Variants in ZNF804B observed in about 807,000 individuals in gnomAD.
ZNF804B encodes the protein zinc finger 804B.
In ZNF804B, 80 loss-of-function variants were observed where a neutral mutation model predicts 101.4. That is an observed-to-expected ratio of 0.79 (90% CI 0.66 to 0.95). The LOEUF (loss-of-function observed/expected upper bound fraction) is 0.95. Ranked by LOEUF, ZNF804B falls within the 40% of genes least tolerant of loss-of-function variation. The pLI is 0.00. For synonymous variants in ZNF804B, 622 were observed against 558.8 expected (o/e 1.11, Z -1.59); for missense variants, 1,673 against 1,561.9 (o/e 1.07, Z -1.20).
chr7:89,119,867 ATTGT>A (rs1435135198), intron 1 of ZNF804B, among the ~76,000 whole-genome samples: 6 of 152,200 alleles, frequency 3.9e-5, no homozygotes, highest in East Asian at 1.9e-4. Context: ...GAGTTTCTAT[ATTGT>A]TTGTTTGTTT....
In ZNF804B at chr7:88,850,577, C is replaced by T. The variant is rs143200963; in HGVS notation, c.108+90493C>T. 1.5e-3 allele frequency among the ~76,000 whole-genome samples: 221 copies of T among 152,222 alleles called. 2 individuals carry two copies. Among genetic ancestry groups the T allele is most frequent in the African/African-American group, 5.1e-3 (211 of 41,552 alleles). Reference sequence around the variant, plus strand: ...TTTACAGGGGACAGTTCTCAGAAATCTTTGCCCCAGTGGGGCAAAATTTAC... The same window carrying T: ...TTTACAGGGGACAGTTCTCAGAAATTTTTGCCCCAGTGGGGCAAAATTTAC... On this transcript the variant is annotated intron_variant, in intron 1 of 3. Coordinates refer to ENST00000333190, the MANE Select transcript of ZNF804B (RefSeq NM_181646.5).
intron 1 of ZNF804B, among the ~76,000 whole-genome samples, chr7:88,957,076 A>G (rs990789687): frequency 4.0e-5 from 6 of 151,502 alleles, no homozygotes; most frequent in African/African-American, 1.5e-4. Context: ...TAGACTTTGA[A>G]CATGTCACTC....
chr7:89,044,425 G>A (rs190238391), intron 1 of ZNF804B, among the ~76,000 whole-genome samples: 1 of 152,308 alleles, frequency 6.6e-6, no homozygotes, highest in East Asian at 1.9e-4. Context: ...GTGGGGTGCT[G>A]CTGCAAAGAT....
chr7:89,211,485 TTTG>T (rs530845827), intron 1 of ZNF804B, among the ~76,000 whole-genome samples: 145 of 152,304 alleles, frequency 9.5e-4, no homozygotes, highest in Middle Eastern at 6.8e-3. Flanking sequence ...TTCTAGGATT[TTTG>T]TTGTTTTGGG....
intron 1 of ZNF804B, among the ~76,000 whole-genome samples, chr7:88,913,451 G>A (rs188148781): frequency 2.9e-4 from 44 of 152,260 alleles, no homozygotes; most frequent in African/African-American, 1.1e-3. Context: ...CTGGAGTGCA[G>A]TGGTGCAATC....
chr7:89,019,922 T>A (rs1788637473), intron 1 of ZNF804B, among the ~76,000 whole-genome samples: 1 of 152,050 alleles, frequency 6.6e-6, no homozygotes, highest in Non-Finnish European at 1.5e-5. Context: ...TTTTTGATTG[T>A]GGAAATATAA....
intron 1 of ZNF804B, among the ~76,000 whole-genome samples, chr7:89,211,017 T>G (rs1235225369): frequency 6.6e-6 from 1 of 152,206 alleles, no homozygotes; most frequent in Non-Finnish European, 1.5e-5. Context: ...GTTTCTTGAC[T>G]TTTTAAGCAT....
At chr7:89,014,463 C>T (rs1788510313) in intron 1 of ZNF804B, among the ~76,000 whole-genome samples, 1 of 152,068 alleles carries the variant, frequency 6.6e-6, no homozygotes. Flanking sequence ...ACTACAGGCG[C>T]CCGCTGCGAC....
At chr7:88,799,196 CTTTTTG>C (rs912931188) in intron 1 of ZNF804B, among the ~76,000 whole-genome samples, 1 of 151,900 alleles carries the variant, frequency 6.6e-6, no homozygotes, top group Non-Finnish European at 1.5e-5. Context: ...TTATCATGTC[CTTTTTG>C]TTTTTGTAAG....
intron 1 of ZNF804B, among the ~76,000 whole-genome samples, chr7:89,126,938 G>A (rs1790483091): frequency 6.6e-6 from 1 of 151,822 alleles, no homozygotes; most frequent in South Asian, 2.1e-4. Flanking sequence ...CTACCTCACA[G>A]GGATGCCAGA....
In ZNF804B at chr7:89,098,627, A is replaced by C. The variant is rs1379448109; in HGVS notation, c.109-119528A>C. Among the ~76,000 whole-genome samples the C allele has an allele frequency of 2.0e-5, 3 of 152,132 alleles. No individual in the cohort carries two copies. The East Asian group carries it at 5.8e-4, about 29-fold the overall frequency. On this transcript the variant is annotated intron_variant, in intron 1 of 3. Coordinates refer to ENST00000333190, the MANE Select transcript of ZNF804B (RefSeq NM_181646.5). ...GATGAGGAGTAGCTAAAAACAAAGAAACAAACAAAAAACAATGCTAAGGTT... is the reference window on the plus strand; with the variant it reads ...GATGAGGAGTAGCTAAAAACAAAGACACAAACAAAAAACAATGCTAAGGTT...
At chr7:88,877,051 T>A (rs11971618) in intron 1 of ZNF804B, among the ~76,000 whole-genome samples, 87 of 40,362 alleles carry the variant, frequency 2.2e-3, no homozygotes, top group African/African-American at 3.3e-3. Context: ...ATATATATAT[T>A]TTTTTTTTTT....
chr7:88,771,824 C>T (rs1472919779), intron 1 of ZNF804B, among the ~76,000 whole-genome samples: 1 of 151,966 alleles, frequency 6.6e-6, no homozygotes, highest in Non-Finnish European at 1.5e-5. Context: ...TTAGGAATGG[C>T]CCTCTGTTGA....
intron 1 of ZNF804B, among the ~76,000 whole-genome samples, chr7:88,993,442 A>C (rs527273301): frequency 6.6e-6 from 1 of 152,164 alleles, no homozygotes; most frequent in South Asian, 2.1e-4. Flanking sequence ...GAAATAAAAA[A>C]GTAAATTTAG....
At chr7:89,217,687 T>G (rs1788918381) in intron 1 of ZNF804B, among the ~76,000 whole-genome samples, 1 of 152,188 alleles carries the variant, frequency 6.6e-6, no homozygotes, top group Non-Finnish European at 1.5e-5. Context: ...GAGGAGGCTT[T>G]GGCAATGTTG....
At chr7:88,878,929 A>G (rs533278226) in intron 1 of ZNF804B, among the ~76,000 whole-genome samples, 38 of 152,240 alleles carry the variant, frequency 2.5e-4, no homozygotes, top group Middle Eastern at 6.8e-3. Flanking sequence ...ATGCCCAAAT[A>G]CCTTATGCTT....
intron 1 of ZNF804B, among the ~76,000 whole-genome samples, chr7:89,113,322 G>A (rs887463194): frequency 1.3e-5 from 2 of 152,072 alleles, no homozygotes; most frequent in African/African-American, 4.8e-5. Context: ...ATTTACCCAT[G>A]TAATAAACCT....
chr7:89,175,572 T>C (rs1381593126), intron 1 of ZNF804B, among the ~76,000 whole-genome samples: 1 of 152,048 alleles, frequency 6.6e-6, no homozygotes, highest in South Asian at 2.1e-4. Flanking sequence ...TGATTCCATA[T>C]ACATTTTAGG....
At chr7:88,998,528 T>C (rs899688174) in intron 1 of ZNF804B, among the ~76,000 whole-genome samples, 4 of 152,048 alleles carry the variant, frequency 2.6e-5, no homozygotes, top group African/African-American at 9.7e-5. Flanking sequence ...TCTCCAAATT[T>C]ACCTGATCAT....
Sources: gnomAD v4.1 joint callset for allele counts (sites outside exome capture counted in the v4.1 genomes callset) on GRCh38, gnomAD v4.1.1 for gene constraint, MANE v1.5 for transcripts, NCBI Gene and HGNC (gene_info 2026-07-23, HGNC 2026-07-21) for gene names.